Variants in SPTB observed in about 807,000 individuals in gnomAD.
The protein encoded by SPTB is spectrin beta chain, erythrocytic.
SPTB carries 45 observed loss-of-function variants against 256.2 expected under a neutral mutation model. The ratio of observed to expected loss-of-function variants is 0.18; its 90% confidence interval spans 0.14 to 0.23. The LOEUF (loss-of-function observed/expected upper bound fraction) is 0.23. Ranked by LOEUF, SPTB falls within the 10% of genes least tolerant of loss-of-function variation. SPTB has a pLI of 1.00. For missense variants in SPTB, 2,715 were observed against 3,040.4 expected (o/e 0.89, Z 2.52); for synonymous variants, 1,231 against 1,243.1 (o/e 0.99, Z 0.21).
chr14:64,814,000 A>T (rs17180616), intron 2 of SPTB, among the ~76,000 whole-genome samples: 17,099 of 152,244 alleles, frequency 0.11, 1,005 homozygotes, highest in South Asian at 0.16. Flanking sequence ...CTTTCAGCCA[A>T]CTTTCATCAC....
Position 64,819,962 on chromosome 14 carries a change from G to C in SPTB, c.148+2985C>G, listed in dbSNP as rs373380813. ...ATCCCCATTTTATAAAAATGGAAAA[G>C]GAGTCAGTGATCCTCCACTGCGGTG... On this transcript the variant is annotated intron_variant, in intron 2 of 35. Coordinates refer to ENST00000644917, the MANE Select transcript of SPTB (RefSeq NM_001355436.2). Among the ~76,000 whole-genome samples the C allele has an allele frequency of 8.5e-5, 13 of 152,166 alleles. No homozygotes were observed. The East Asian group carries it at 1.7e-3, about 20-fold the overall frequency.
Position 64,747,828 on chromosome 14 carries a change from A to T in SPTB, c.*1478T>A, listed in dbSNP as rs2081872526. The T allele has an allele frequency of 9.6e-6, 1 of 103,896 alleles. No individual in the cohort carries two copies. Among genetic ancestry groups the T allele is most frequent in the Non-Finnish European group, 1.8e-5 (1 of 55,548 alleles). The allele number at this position is 103,896 out of a possible 1,614,324, so 6.4% of individuals were successfully genotyped here. The stretch of plus-strand genomic sequence containing the variant: ...CTCCCCCCCACCCCCGACCCGCTTG[A>T]CTGCTCTCTTGGACCTAACCCTAGT... On this transcript the variant is annotated 3_prime_UTR_variant, in exon 36 of 36. Coordinates refer to ENST00000644917, the MANE Select transcript of SPTB (RefSeq NM_001355436.2).
At position 64,748,305 on chromosome 14, in the gene SPTB, C is replaced by G. The variant is rs1424459160; in HGVS notation, c.*1001G>C. ...GCTTTGGGATGCTTTACTGCAGGTG[C>G]GGGGGGTATCCATCTTATATCTGGG... On this transcript the variant is annotated 3_prime_UTR_variant, in exon 36 of 36. Transcript: ENST00000644917. 1 of 152,182 alleles carries G rather than the reference C, an allele frequency of 6.6e-6. No homozygotes were observed. Among genetic ancestry groups the G allele is most frequent in the African/African-American group, 2.4e-5 (1 of 41,424 alleles). The allele number at this position is 152,182 out of a possible 1,614,324, so 9.4% of individuals were successfully genotyped here. A position where few individuals can be genotyped will look rare whatever the true frequency, so the allele number is the denominator to read the frequency against.
intron 19 of SPTB, among the ~76,000 whole-genome samples, chr14:64,783,693 A>G (rs2082513234): frequency 6.6e-6 from 1 of 152,206 alleles, no homozygotes; most frequent in Admixed American, 6.5e-5. Context: ...TTTCATGGAC[A>G]GCCATGGTAG....
At chr14:64,846,583 G>A (rs1254562335) in intron 1 of SPTB, among the ~76,000 whole-genome samples, 1 of 152,200 alleles carries the variant, frequency 6.6e-6, no homozygotes, top group African/African-American at 2.4e-5. Context: ...AATATTTATT[G>A]AGCACCTGCA....
chr14:64,807,565 G>A lies in SPTB; in HGVS notation c.149-2475C>T, dbSNP rs761541091. On this transcript the variant is annotated intron_variant, in intron 2 of 35. Coordinates refer to ENST00000644917, the MANE Select transcript of SPTB (RefSeq NM_001355436.2). This position sits in a 1 kb window ranked among gnomAD's most constrained non-coding sequence, Gnocchi z 4.7. ...CCCAGAATCCCCAGAGCCCCAAAAC[G>A]CTTTGCAATGTTGAGACACAGAAAG... is the stretch of plus-strand genomic sequence containing the variant. Among the ~76,000 whole-genome samples, 4 of 152,200 alleles carry A rather than the reference G, an allele frequency of 2.6e-5. No individual in the cohort carries two copies. The highest frequency in any genetic ancestry group is 7.2e-5 in the African/African-American group (3 of 41,446).
chr14:64,840,299 C>T lies in SPTB; in HGVS notation c.-51-17154G>A, dbSNP rs548934277. On this transcript the variant is annotated intron_variant, in intron 1 of 35. Coordinates refer to ENST00000644917, the MANE Select transcript of SPTB (RefSeq NM_001355436.2). Reference sequence around the variant, plus strand: ...CAGCTACTTCTCACCTTTCTCCTGGCCATTGAGAATACTCCACGAGGCTAA... The same window carrying T: ...CAGCTACTTCTCACCTTTCTCCTGGTCATTGAGAATACTCCACGAGGCTAA... Among the ~76,000 whole-genome samples the T allele has an allele frequency of 4.6e-5, 7 of 152,318 alleles. No individual in the cohort carries two copies. In the South Asian group the frequency reaches 1.2e-3, roughly 27 times the overall value.
In SPTB at chr14:64,782,697, A is replaced by G. The variant is rs113517006; in HGVS notation, c.4003-144T>C. 941 of 1,268,678 alleles carry G rather than the reference A, an allele frequency of 7.4e-4. 3 individuals carry two copies. In the African/African-American group the frequency reaches 9.9e-3, roughly 13 times the overall value. The allele number at this position is 1,268,678 out of a possible 1,614,324, so 78.6% of individuals were successfully genotyped here. A position where few individuals can be genotyped will look rare whatever the true frequency, so the allele number is the denominator to read the frequency against. On this transcript the variant is annotated intron_variant, in intron 19 of 35. Transcript: ENST00000644917. ...AGAACATGGGTAAGACTCAACTGAA[A>G]TGAACTCTGAATCCCCAGCATTAGC...
In SPTB at chr14:64,778,333, T is replaced by C. The variant is rs2082397536; in HGVS notation, c.4563+824A>G. ...ACCTTCCTTCCTCAAGGAGCTGCAA[T>C]ACTAACCGGGCACTCTGGGACATGT... On this transcript the variant is annotated intron_variant, in intron 22 of 35. Transcript: ENST00000644917. The surrounding 1 kb of genome is among the most constrained non-coding windows in gnomAD (Gnocchi z 5.2). 6.6e-6 allele frequency among the ~76,000 whole-genome samples: 1 copy of C among 152,138 alleles called. No individual in the cohort carries two copies. Among genetic ancestry groups the C allele is most frequent in the South Asian group, 2.1e-4 (1 of 4,832 alleles).
intron 1 of SPTB, among the ~76,000 whole-genome samples, chr14:64,872,592 C>T (rs1332311284): frequency 6.6e-6 from 1 of 152,208 alleles, no homozygotes; most frequent in Non-Finnish European, 1.5e-5. Context: ...CCCATGACAC[C>T]CTGCACTCAG....
At chr14:64,803,101 G>A (rs1351924256) in intron 4 of SPTB, among the ~76,000 whole-genome samples, 1 of 151,978 alleles carries the variant, frequency 6.6e-6, no homozygotes, top group Non-Finnish European at 1.5e-5. Context: ...CACCTCCTTG[G>A]GCAAGGTTCT....
intron 22 of SPTB, among the ~76,000 whole-genome samples, chr14:64,776,194 A>C (rs1056072454): frequency 2.0e-5 from 3 of 152,160 alleles, no homozygotes; most frequent in Non-Finnish European, 2.9e-5. Flanking sequence ...TGTGGCCTTT[A>C]AAATTGGAAG....
Position 64,803,782 on chromosome 14 carries a change from TG to T in SPTB, c.301-3del. The T allele has an allele frequency of 6.2e-7, 1 of 1,607,566 alleles. No individual in the cohort carries two copies. Among genetic ancestry groups the T allele is most frequent in the Non-Finnish European group, 8.5e-7 (1 of 1,176,526 alleles). On this transcript the variant is annotated splice_polypyrimidine_tract_variant and splice_region_variant and intron_variant, in intron 3 of 35. Transcript: ENST00000644917. ...CATCTTCCCCTTGGTGGGCTTTGGC[TG>T]GGGGACAGCAGTGGCCCCCGTGGGC...
intron 1 of SPTB, among the ~76,000 whole-genome samples, chr14:64,837,522 T>C (rs1226276309): frequency 6.6e-6 from 1 of 152,236 alleles, no homozygotes; most frequent in African/African-American, 2.4e-5. Context: ...CTCTCTAAAC[T>C]GATCTATAAA....
chr14:64,793,188 G>A lies in SPTB; in HGVS notation c.2475C>T (p.Ala825=). The A allele has an allele frequency of 6.2e-7, 1 of 1,613,404 alleles. No individual in the cohort carries two copies. Among genetic ancestry groups the A allele is most frequent in the Non-Finnish European group, 8.5e-7 (1 of 1,180,032 alleles). Residue 825 remains alanine, a synonymous_variant, in exon 14 of 36, where the codon GCC becomes GCT. Transcript: ENST00000644917. This position sits in a 1 kb window ranked among gnomAD's most constrained non-coding sequence, Gnocchi z 7.0. ...DSPDVTHRLQ[A]LRELYQQVVA... ...CCACCTGTTGGTAGAGCTCCCGCAG[G>A]GCCTGCAGCCGATGGGTCACATCTG...
At chr14:64,833,139 G>A (rs529265469) in intron 1 of SPTB, among the ~76,000 whole-genome samples, 9 of 152,188 alleles carry the variant, frequency 5.9e-5, no homozygotes, top group South Asian at 4.2e-4. Flanking sequence ...TCAGGTCCCC[G>A]GCTCTCTCTG....
rs914554138 is a variant in SPTB at position 64,771,239 on chromosome 14, T to C, written c.5554-110A>G. ...CTCCTGGCCTCCCTGCCCAGGGCAC[T>C]GCTGGAAGGTAGGATCTTCAGCCTC... On this transcript the variant is annotated intron_variant, in intron 26 of 35. Transcript: ENST00000644917. 10 of 1,545,714 alleles carry C rather than the reference T, an allele frequency of 6.5e-6. No homozygotes were observed. The Admixed American group carries it at 6.7e-5, about 10-fold the overall frequency.
rs1371444426 is a variant in SPTB at position 64,797,649 on chromosome 14, G to A, written c.1182+80C>T. On this transcript the variant is annotated intron_variant, in intron 10 of 35. Transcript: ENST00000644917. ...CAAAGAAAGTGGCTTGGTTTAATCTGGTCCAATGACCATTCACTGTGTCCT... is the reference window on the plus strand; with the variant it reads ...CAAAGAAAGTGGCTTGGTTTAATCTAGTCCAATGACCATTCACTGTGTCCT... 6.1e-6 allele frequency: 7 copies of A among 1,142,324 alleles called. No individual in the cohort carries two copies. The East Asian group carries it at 1.6e-4, about 27-fold the overall frequency. The allele number at this position is 1,142,324 out of a possible 1,614,324, so 70.8% of individuals were successfully genotyped here.
chr14:64,822,022 GAA>G (rs920050809), intron 2 of SPTB, among the ~76,000 whole-genome samples: 1 of 151,984 alleles, frequency 6.6e-6, no homozygotes, highest in Admixed American at 6.6e-5. Flanking sequence ...AATCACTCCA[GAA>G]AGTGTTTATG....
Sources: gnomAD v4.1 joint callset for allele counts (sites outside exome capture counted in the v4.1 genomes callset) on GRCh38, gnomAD v4.1.1 for gene constraint, Gnocchi (gnomAD v3.1) non-coding constraint, MANE v1.5 for transcripts, NCBI Gene and HGNC (gene_info 2026-07-23, HGNC 2026-07-21) for gene names.